Variants in EP400 observed in about 807,000 individuals in gnomAD.
EP400 encodes the protein E1A binding protein p400.
In EP400, 105 loss-of-function variants were observed where a neutral mutation model predicts 354.1. The observed-to-expected ratio is 0.30, with a 90% confidence interval of 0.25 to 0.35. The LOEUF is 0.35. EP400 is among the 10% of genes least tolerant of loss of function. EP400 has a pLI of 1.00. For synonymous variants in EP400, 1,646 were observed against 1,716.9 expected (o/e 0.96, Z 1.02); for missense variants, 3,280 against 4,121.0 (o/e 0.80, Z 5.59).
At chr12:131,967,454 G>A (rs1299105090) in intron 2 of EP400, among the ~76,000 whole-genome samples, 3 of 151,086 alleles carry the variant, frequency 2.0e-5, no homozygotes, top group East Asian at 2.0e-4. Flanking sequence ...TTGGGAGGCC[G>A]AGGCTGGCAG....
Position 132,029,979 on chromosome 12 carries a change from C to T in EP400, c.5585-10C>T, listed in dbSNP as rs376670727. The T allele has an allele frequency of 1.6e-5, 26 of 1,613,552 alleles. No individual in the cohort carries two copies. The highest frequency in any genetic ancestry group is 1.5e-4 in the African/African-American group (11 of 74,916). On this transcript the variant is annotated splice_polypyrimidine_tract_variant and intron_variant, in intron 28 of 52. Coordinates refer to ENST00000389561, the MANE Select transcript of EP400 (RefSeq NM_015409.5). This position sits in a 1 kb window ranked among gnomAD's most constrained non-coding sequence, Gnocchi z 4.7. ...ATGATGAGGCGCTCTTGATGTGATT[C>T]GTTTCCCAGGGAAGTTGGAAGCTTT... is the stretch of plus-strand genomic sequence containing the variant.
In EP400 at chr12:132,018,174, T is replaced by G; in HGVS notation, c.4111-36T>G. The G allele has an allele frequency of 6.2e-7, 1 of 1,605,038 alleles. No individual in the cohort carries two copies. The highest frequency in any genetic ancestry group is 8.5e-7 in the Non-Finnish European group (1 of 1,178,000). ...GATTCTTAGGTGCTTTTTTTGCCTC[T>G]TCATGCAGCAAGACTTTTTTTCTTT... On this transcript the variant is annotated intron_variant, in intron 20 of 52. Coordinates refer to ENST00000389561, the MANE Select transcript of EP400 (RefSeq NM_015409.5). This position sits in a 1 kb window ranked among gnomAD's most constrained non-coding sequence, Gnocchi z 4.0.
intron 48 of EP400, chr12:132,065,154 G>A (rs1303901273): frequency 6.6e-6 from 4 of 604,638 alleles, no homozygotes; most frequent in Admixed American, 6.2e-5. Context: ...GAGGTGAGAT[G>A]CAGCCTGCGT....
At chr12:132,014,229 G>C (rs1593347007) in intron 19 of EP400, among the ~76,000 whole-genome samples, 1 of 152,216 alleles carries the variant, frequency 6.6e-6, no homozygotes, top group South Asian at 2.1e-4. Flanking sequence ...CCATTCATCC[G>C]GGAGGGATGG....
At chr12:131,967,925 C>T (rs545127891) in intron 2 of EP400, among the ~76,000 whole-genome samples, 1 of 152,152 alleles carries the variant, frequency 6.6e-6, no homozygotes, top group Non-Finnish European at 1.5e-5. Flanking sequence ...ATATCTTTGA[C>T]AAAGTATCTG....
rs117118513 is a variant in EP400 at position 132,063,059 on chromosome 12, A to C, written c.8334+358A>C. On this transcript the variant is annotated intron_variant, in intron 47 of 52. Coordinates refer to ENST00000389561, the MANE Select transcript of EP400 (RefSeq NM_015409.5). The stretch of plus-strand genomic sequence containing the variant: ...AAGTGCTGGTGAGAAGATATTCCTC[A>C]GCAGTGTTGGGAGAGCAGGCGATGG... 6.5e-3 allele frequency among the ~76,000 whole-genome samples: 993 copies of C among 152,322 alleles called. 25 individuals are homozygous for C. The South Asian group carries it at 0.074, about 11-fold the overall frequency.
chr12:132,059,185 G>C (rs1483988195), intron 45 of EP400, among the ~76,000 whole-genome samples: 1 of 152,180 alleles, frequency 6.6e-6, no homozygotes, highest in Non-Finnish European at 1.5e-5. Flanking sequence ...GAGGGAACTT[G>C]AATTCAAGTC....
chr12:131,990,237 C>T lies in EP400; in HGVS notation c.2550+133C>T. ...CCAGAGTCAGCAACGTGTGCACTCT[C>T]CTGGGCTGTTGCTTGTTGGCCTTTG... On this transcript the variant is annotated intron_variant, in intron 8 of 52. Coordinates refer to ENST00000389561, the MANE Select transcript of EP400 (RefSeq NM_015409.5). This position sits in a 1 kb window ranked among gnomAD's most constrained non-coding sequence, Gnocchi z 4.2. 9.4e-7 allele frequency: 1 copy of T among 1,067,566 alleles called. No individual in the cohort carries two copies. Among genetic ancestry groups the T allele is most frequent in the African/African-American group, 1.6e-5 (1 of 63,336 alleles). 66.1% of individuals were successfully genotyped at this position (1,067,566 alleles called of 1,614,324 possible). A position where few individuals can be genotyped will look rare whatever the true frequency, so the allele number is the denominator to read the frequency against.
chr12:131,987,879 G>A lies in EP400; in HGVS notation c.2398G>A (p.Ala800Thr). Residue 800 changes from alanine (A) to threonine (T), a missense_variant, in exon 7 of 53, where the codon GCT becomes ACT. By Grantham distance (58) the Ala-to-Thr change is moderately conservative. Transcript: ENST00000389561. ...FAQERRWKVA[A>T]AKKLVRTVVR... ...CCAGGAGAGGAGGTGGAAGGTGGCTGCTGCGAAGAAGGTGGGTTGGAATGC... is the reference window on the plus strand; with the variant it reads ...CCAGGAGAGGAGGTGGAAGGTGGCTACTGCGAAGAAGGTGGGTTGGAATGC... The A allele has an allele frequency of 6.2e-7, 1 of 1,607,826 alleles. No individual in the cohort carries two copies. The highest frequency in any genetic ancestry group is 8.5e-7 in the Non-Finnish European group (1 of 1,176,644).
In EP400 at chr12:131,962,038, T is replaced by C. The variant is rs1443986422; in HGVS notation, c.1335+84T>C. The C allele has an allele frequency of 2.1e-6, 3 of 1,450,696 alleles. No individual in the cohort carries two copies. In the African/African-American group the frequency reaches 4.3e-5, roughly 21 times the overall value. 89.9% of individuals were successfully genotyped at this position (1,450,696 alleles called of 1,614,324 possible). A position where few individuals can be genotyped will look rare whatever the true frequency, so the allele number is the denominator to read the frequency against. On this transcript the variant is annotated intron_variant, in intron 2 of 52. Coordinates refer to ENST00000389561, the MANE Select transcript of EP400 (RefSeq NM_015409.5). ...GACAATGAATTAAGTAATAATTTATTGAGCCTGCGGTATTTCTAAGGTATT... is the reference window on the plus strand; with the variant it reads ...GACAATGAATTAAGTAATAATTTATCGAGCCTGCGGTATTTCTAAGGTATT...
intron 2 of EP400, among the ~76,000 whole-genome samples, chr12:131,972,872 C>T (rs1441398721): frequency 1.3e-5 from 2 of 151,786 alleles, no homozygotes; most frequent in African/African-American, 2.4e-5. Flanking sequence ...GCTAAGATTA[C>T]AGGCGTGTAC....
At position 132,006,753 on chromosome 12, in the gene EP400, G is replaced by A. The variant is rs779060164; in HGVS notation, c.3180G>A (p.Lys1060=). Residue 1060 remains lysine (K), a synonymous_variant, in exon 15 of 53, where the codon AAG becomes AAA. Transcript: ENST00000389561. ...ATGGGGCTCTCAGAGATTATCAGAA[G>A]ATTGGCCTGGACTGGCTGGCCAAAC... is the stretch of plus-strand genomic sequence containing the variant. ...LLYGALRDYQ[K]IGLDWLAKLY... 6.2e-7 allele frequency: 1 copy of A among 1,613,628 alleles called. No homozygotes were observed. Among genetic ancestry groups the A allele is most frequent in the Non-Finnish European group, 8.5e-7 (1 of 1,179,914 alleles).
chr12:131,999,534 G>A (rs1003858311), intron 12 of EP400, among the ~76,000 whole-genome samples: 2 of 152,250 alleles, frequency 1.3e-5, no homozygotes, highest in Middle Eastern at 3.4e-3. Flanking sequence ...CGCCTCCTGG[G>A]TTCAAGCGAT....
rs771779642 is a variant in EP400 at position 132,018,351 on chromosome 12, G to A, written c.4252G>A (p.Ala1418Thr). The change falls in exon 21 of 53, where the codon GCA becomes ACA. Residue 1418 changes from alanine to threonine, a missense_variant. Physicochemically the swap from Ala to Thr is moderately conservative, Grantham distance 58. Around this residue, in one of 20 missense-constraint regions of EP400, gnomAD observed 342 missense variants for 342.7 expected, o/e 1.00. Coordinates refer to ENST00000389561, the MANE Select transcript of EP400 (RefSeq NM_015409.5). This position sits in a 1 kb window ranked among gnomAD's most constrained non-coding sequence, Gnocchi z 4.0. ...TTCAGCAGCCCCAGCAGCCCGACCA[G>A]CAGCAGCAAAGCTGAAGGCCAGCAG... ...STSAAPAARPAAAKLKASRLF... is the reference protein window; with the variant it reads ...STSAAPAARPTAAKLKASRLF... 56 of 1,608,454 alleles carry A rather than the reference G, an allele frequency of 3.5e-5. No homozygotes were observed. Among genetic ancestry groups the A allele is most frequent in the Non-Finnish European group, 4.6e-5 (54 of 1,178,450 alleles).
intron 12 of EP400, among the ~76,000 whole-genome samples, chr12:131,997,274 TC>T (rs1167890796): frequency 6.6e-6 from 1 of 151,834 alleles, no homozygotes; most frequent in African/African-American, 2.4e-5. Flanking sequence ...TTTTTCTTTT[TC>T]TTTTTTTTTT....
At position 132,038,561 on chromosome 12, in the gene EP400, T is replaced by C. The variant is rs907906616; in HGVS notation, c.6207+465T>C. Among the ~76,000 whole-genome samples the C allele has an allele frequency of 1.3e-5, 2 of 152,260 alleles. No individual in the cohort carries two copies. The highest frequency in any genetic ancestry group is 6.5e-5 in the Admixed American group (1 of 15,292). Reference sequence around the variant, plus strand: ...TGAGTATAAGAAAGAACACAGACTATCACGTTGATACTTTTGAGTGTTGAC... The same window carrying C: ...TGAGTATAAGAAAGAACACAGACTACCACGTTGATACTTTTGAGTGTTGAC... On this transcript the variant is annotated intron_variant, in intron 32 of 52. Coordinates refer to ENST00000389561, the MANE Select transcript of EP400 (RefSeq NM_015409.5). The surrounding 1 kb of genome is among the most constrained non-coding windows in gnomAD (Gnocchi z 4.2).
In EP400 at chr12:132,013,924, G is replaced by A. The variant is rs748986425; in HGVS notation, c.3923+11G>A. The stretch of plus-strand genomic sequence containing the variant: ...TATCCTGCAACCTGGGTGAGTGTGG[G>A]CTCTGGGCATGTGCCCCCTTTGCTG... On this transcript the variant is annotated intron_variant, in intron 19 of 52. Coordinates refer to ENST00000389561, the MANE Select transcript of EP400 (RefSeq NM_015409.5). The surrounding 1 kb of genome is among the most constrained non-coding windows in gnomAD (Gnocchi z 4.5). 6.2e-7 allele frequency: 1 copy of A among 1,613,600 alleles called. No homozygotes were observed. Among genetic ancestry groups the A allele is most frequent in the Admixed American group, 1.7e-5 (1 of 59,928 alleles).
At chr12:131,957,074 T>C (rs1891727363) in intron 1 of EP400, among the ~76,000 whole-genome samples, 1 of 152,082 alleles carries the variant, frequency 6.6e-6, no homozygotes, top group South Asian at 2.1e-4. Flanking sequence ...TTTTACCATA[T>C]TGGTCAGGCT....
Position 132,018,467 on chromosome 12 carries a change from A to C in EP400, c.4277+91A>C. The stretch of plus-strand genomic sequence containing the variant: ...ATGCGTGGTGAAAAGAAAGGCTGCT[A>C]ATGTAGTTAGGTTATCTGCTGCTCT... On this transcript the variant is annotated intron_variant, in intron 21 of 52. Transcript: ENST00000389561. The surrounding 1 kb of genome is among the most constrained non-coding windows in gnomAD (Gnocchi z 4.0). 1 of 1,497,340 alleles carries C rather than the reference A, an allele frequency of 6.7e-7. No homozygotes were observed. The highest frequency in any genetic ancestry group is 8.9e-7 in the Non-Finnish European group (1 of 1,122,920). The allele number at this position is 1,497,340 out of a possible 1,614,324, so 92.8% of individuals were successfully genotyped here. A position where few individuals can be genotyped will look rare whatever the true frequency, so the allele number is the denominator to read the frequency against.
Sources: gnomAD v4.1 joint callset for allele counts (sites outside exome capture counted in the v4.1 genomes callset) on GRCh38, gnomAD v4.1.1 for gene constraint, gnomAD v4.1.1 regional missense constraint, Gnocchi (gnomAD v3.1) non-coding constraint, MANE v1.5 for transcripts, NCBI Gene and HGNC (gene_info 2026-07-23, HGNC 2026-07-21) for gene names.